Variants in LAMB1 observed in about 807,000 individuals in gnomAD.
LAMB1 encodes the protein laminin subunit beta-1.
Under a neutral mutation model 222.3 loss-of-function variants are expected in LAMB1, and 121 were observed. The observed-to-expected ratio is 0.54, with a 90% CI of 0.47 to 0.63. LAMB1 has a LOEUF of 0.63. LAMB1 is among the 30% of genes least tolerant of loss of function. The pLI is 0.00. For synonymous variants in LAMB1, 794 were observed against 807.2 expected (o/e 0.98, Z 0.28); for missense variants, 2,172 against 2,240.8 (o/e 0.97, Z 0.62).
At chr7:107,949,849 A>G (rs1474985411) in intron 24 of LAMB1, among the ~76,000 whole-genome samples, 2 of 152,194 alleles carry the variant, frequency 1.3e-5, no homozygotes, top group African/African-American at 4.8e-5. Flanking sequence ...GACCTTCTGT[A>G]GGAGATATTG....
chr7:107,980,846 C>T, intron 7 of LAMB1, 35 bp from the exon 8 acceptor site: 1 of 1,345,624 alleles, frequency 7.4e-7, no homozygotes, highest in African/African-American at 1.5e-5. Flanking sequence ...AAAGTCTGAT[C>T]AGACAAGCAA....
At chr7:107,986,000 T>G (rs754154303) in intron 7 of LAMB1, 22 bp downstream of exon 7, 20 of 1,565,588 alleles carry the variant, frequency 1.3e-5, no homozygotes, top group Non-Finnish European at 1.8e-5. Flanking sequence ...CAAAAAACAC[T>G]TTTGTTTGAA....
At chr7:107,935,360 TTTTTTTTTTTTTTG>T in intron 27 of LAMB1, 41 bp downstream of exon 27, 43 of 473,766 alleles carry the variant, frequency 9.1e-5, no homozygotes, top group Middle Eastern at 6.7e-4. Flanking sequence ...TTTTTTTTTT[TTTTTTTTTTTTTTG>T]CTTGGCACCA....
chr7:107,924,095 G>T lies in LAMB1; in HGVS notation c.5225-8C>A, dbSNP rs778153007. The T allele has an allele frequency of 4.5e-5, 69 of 1,525,048 alleles. No homozygotes were observed. In the Admixed American group the frequency reaches 9.7e-4, roughly 21 times the overall value. 94.5% of individuals were successfully genotyped at this position (1,525,048 alleles called of 1,614,324 possible). A position where few individuals can be genotyped will look rare whatever the true frequency, so the allele number is the denominator to read the frequency against. ...CATATTTTCTTTCTAAATCTGTGGG[G>T]AGATATATATATATAAAGTCTGAGC... On this transcript the variant is annotated splice_region_variant and splice_polypyrimidine_tract_variant and intron_variant, in intron 33 of 33. Coordinates refer to ENST00000222399, the MANE Select transcript of LAMB1 (RefSeq NM_002291.3).
intron 28 of LAMB1, 113 bp from the exon 29 acceptor site, chr7:107,931,613 T>C (rs2032713415): frequency 2.0e-6 from 2 of 1,017,986 alleles, no homozygotes; most frequent in Non-Finnish European, 1.5e-6. Flanking sequence ...TGGAATCATA[T>C]GTCTGGGAAA....
intron 14 of LAMB1, among the ~76,000 whole-genome samples, chr7:107,963,981 G>A (rs190083070): frequency 6.6e-6 from 1 of 152,240 alleles, no homozygotes; most frequent in East Asian, 1.9e-4. Flanking sequence ...GCCTATAATC[G>A]AGCTACTCGG....
chr7:107,943,397 C>A (rs774229541), intron 24 of LAMB1, among the ~76,000 whole-genome samples: 3 of 152,100 alleles, frequency 2.0e-5, no homozygotes, highest in Non-Finnish European at 2.9e-5. Flanking sequence ...TAATCGATTT[C>A]TGAGATTAGG....
At chr7:107,926,968 T>C (rs2032581215) in intron 31 of LAMB1, among the ~76,000 whole-genome samples, 1 of 152,204 alleles carries the variant, frequency 6.6e-6, no homozygotes, top group South Asian at 2.1e-4. Flanking sequence ...ACATCTGATC[T>C]CCTTTCAAAG....
At chr7:107,937,625 A>C (rs2032878229) in intron 25 of LAMB1, among the ~76,000 whole-genome samples, 1 of 152,188 alleles carries the variant, frequency 6.6e-6, no homozygotes. Context: ...TACAATTGTG[A>C]AAACTGAAGA....
rs761877068 is a variant in LAMB1, at chr7:107,940,026, G to A, written c.3724C>T (p.Pro1242Ser). ...AAGAGATTCCCAATGTTTTTCAGTG[G>A]CTCTGCTGCGGGGCTCTGCGCCAGG... Reference protein sequence around the residue: ...DILAQSPAAEPLKNIGNLFEE... With the variant: ...DILAQSPAAESLKNIGNLFEE... Residue 1242 changes from proline to serine, a missense_variant, in exon 25 of 34, where the codon CCA becomes TCA. Pro to Ser is a moderately conservative substitution (Grantham distance 74). Transcript: ENST00000222399. 5.0e-6 allele frequency: 8 copies of A among 1,614,004 alleles called. No individual in the cohort carries two copies. Among genetic ancestry groups the A allele is most frequent in the African/African-American group, 1.3e-5 (1 of 75,036 alleles).
intron 13 of LAMB1, among the ~76,000 whole-genome samples, chr7:107,970,756 G>A (rs1312810146): frequency 6.6e-6 from 1 of 150,920 alleles, no homozygotes; most frequent in African/African-American, 2.4e-5. Flanking sequence ...CTTTGAGACA[G>A]AGTCTTGCTC....
intron 29 of LAMB1, 24 bp downstream of exon 29, chr7:107,931,332 A>G (rs771991961): frequency 6.2e-7 from 1 of 1,601,658 alleles, no homozygotes; most frequent in Non-Finnish European, 8.5e-7. Context: ...AAATGTCTAA[A>G]AGTAAAATGA....
At chr7:107,939,343 A>C (rs2032925994) in intron 25 of LAMB1, among the ~76,000 whole-genome samples, 1 of 152,146 alleles carries the variant, frequency 6.6e-6, no homozygotes, top group Non-Finnish European at 1.5e-5. Context: ...AAGATTACCT[A>C]GAGAAGGGGT....
At chr7:107,967,441 T>G (rs2033657842) in intron 13 of LAMB1, among the ~76,000 whole-genome samples, 1 of 151,994 alleles carries the variant, frequency 6.6e-6, no homozygotes. Context: ...CCTACAGTGC[T>G]GCTTTCATTG....
chr7:107,971,990 GA>G (rs1241248588), intron 13 of LAMB1, among the ~76,000 whole-genome samples: 12 of 152,260 alleles, frequency 7.9e-5, no homozygotes, highest in African/African-American at 2.9e-4. Flanking sequence ...AGTCACAAAG[GA>G]AAAGTCAGAA....
intron 9 of LAMB1, among the ~76,000 whole-genome samples, chr7:107,976,465 C>T (rs923879371): frequency 1.3e-5 from 2 of 152,192 alleles, no homozygotes; most frequent in African/African-American, 2.4e-5. Context: ...GCCCATTCGG[C>T]GGTCATCTTG....
At chr7:107,961,458 T>C (rs1049500697) in intron 16 of LAMB1, 91 bp downstream of exon 16, 1 of 1,578,260 alleles carries the variant, frequency 6.3e-7, no homozygotes, top group African/African-American at 1.4e-5. Context: ...CGTCTGGCTC[T>C]GAAATGGTGA....
intron 13 of LAMB1, among the ~76,000 whole-genome samples, chr7:107,965,043 T>A (rs149658139): frequency 4.6e-5 from 7 of 152,210 alleles, no homozygotes; most frequent in Admixed American, 3.9e-4. Flanking sequence ...CTGAAGAACA[T>A]CTCCAGCTTG....
chr7:107,942,958 C>T (rs1427896182), intron 24 of LAMB1, among the ~76,000 whole-genome samples: 2 of 152,106 alleles, frequency 1.3e-5, no homozygotes, highest in African/African-American at 2.4e-5. Flanking sequence ...CTGGGGTTTT[C>T]AAAACCAAGA....
Sources: allele counts gnomAD v4.1 joint callset (sites outside exome capture counted in the v4.1 genomes callset), GRCh38; gene constraint gnomAD v4.1.1; transcripts MANE v1.5; gene names NCBI Gene and HGNC (gene_info 2026-07-23, HGNC 2026-07-21).